Variants in VAV3 observed in about 807,000 individuals in gnomAD.
VAV3 encodes guanine nucleotide exchange factor VAV3.
A neutral mutation model predicts 131.2 loss-of-function variants in VAV3; 94 were observed. The ratio of observed to expected loss-of-function variants is 0.72; its 90% CI spans 0.61 to 0.85. VAV3 has a LOEUF of 0.85. Ranked by LOEUF, VAV3 falls within the 40% of genes least tolerant of loss-of-function variation. VAV3 has a pLI of 0.00. For missense variants in VAV3, 939 were observed against 1,002.7 expected (o/e 0.94, Z 0.86); for synonymous variants, 349 against 342.0 (o/e 1.02, Z -0.22).
At chr1:107,660,775 T>C (rs1656953231) in intron 19 of VAV3, among the ~76,000 whole-genome samples, 1 of 152,172 alleles carries the variant, frequency 6.6e-6, no homozygotes, top group African/African-American at 2.4e-5. Flanking sequence ...GTTTTTCCCT[T>C]ATCCTCAAAA....
At chr1:107,913,820 G>T (rs1326031675) in intron 1 of VAV3, among the ~76,000 whole-genome samples, 1 of 151,988 alleles carries the variant, frequency 6.6e-6, no homozygotes, top group African/African-American at 2.4e-5. Flanking sequence ...TTTTGAGGTG[G>T]AGTCTCACTC....
chr1:107,773,160 C>A lies in VAV3; in HGVS notation c.447-317G>T, dbSNP rs145065132. ...GATCAGGTGTGCATTATTATTTAAT[C>A]CATTAAAGAGATGAGGAAGTTGAAA... On this transcript the variant is annotated intron_variant, in intron 4 of 26. Coordinates refer to ENST00000370056, the MANE Select transcript of VAV3 (RefSeq NM_006113.5). 3.9e-5 allele frequency among the ~76,000 whole-genome samples: 6 copies of A among 152,224 alleles called. No homozygotes were observed. The East Asian group carries it at 1.2e-3, about 29-fold the overall frequency.
At chr1:107,845,115 C>T (rs1282114961) in intron 2 of VAV3, among the ~76,000 whole-genome samples, 5 of 152,216 alleles carry the variant, frequency 3.3e-5, no homozygotes, top group Non-Finnish European at 4.4e-5. Flanking sequence ...AAGGAACAGG[C>T]AGCAATCTTT....
intron 2 of VAV3, among the ~76,000 whole-genome samples, chr1:107,859,351 C>A (rs567581284): frequency 6.6e-6 from 1 of 152,068 alleles, no homozygotes; most frequent in African/African-American, 2.4e-5. Flanking sequence ...AGATTATAGA[C>A]GTTGAGCCAG....
At chr1:107,859,969 A>T (rs1029042053) in intron 2 of VAV3, among the ~76,000 whole-genome samples, 3 of 152,222 alleles carry the variant, frequency 2.0e-5, no homozygotes, top group Admixed American at 6.5e-5. Flanking sequence ...ATGGTTATAT[A>T]GAAAAATATC....
chr1:107,602,518 T>C (rs370224254), intron 23 of VAV3, 34 bp from the exon 24 acceptor site: 78 of 1,500,998 alleles, frequency 5.2e-5, no homozygotes, highest in Non-Finnish European at 6.5e-5. Flanking sequence ...AATATAAATG[T>C]GTTTTTAATC....
chr1:107,665,248 G>A (rs1219838329), intron 19 of VAV3, among the ~76,000 whole-genome samples: 4 of 152,160 alleles, frequency 2.6e-5, no homozygotes, highest in Non-Finnish European at 5.9e-5. Flanking sequence ...GGGTTAGATT[G>A]TGGGAAAATA....
chr1:107,853,230 C>A (rs966699118), intron 2 of VAV3, among the ~76,000 whole-genome samples: 1 of 152,132 alleles, frequency 6.6e-6, no homozygotes, highest in African/African-American at 2.4e-5. Flanking sequence ...CCCTTCTCTA[C>A]CACTTATTAG....
chr1:107,603,184 G>T (rs746376809), intron 22 of VAV3, 21 bp from the exon 23 acceptor site: 11 of 1,586,408 alleles, frequency 6.9e-6, no homozygotes, highest in Non-Finnish European at 9.5e-6. Flanking sequence ...CAATGACACA[G>T]AAAATTTGGA....
chr1:107,709,709 T>C (rs897920870), intron 15 of VAV3, among the ~76,000 whole-genome samples: 1 of 152,180 alleles, frequency 6.6e-6, no homozygotes, highest in South Asian at 2.1e-4. Flanking sequence ...TTATTTCTCA[T>C]GGGATCTGAT....
chr1:107,612,010 T>C (rs1240734713), intron 21 of VAV3, among the ~76,000 whole-genome samples: 1 of 152,138 alleles, frequency 6.6e-6, no homozygotes, highest in Non-Finnish European at 1.5e-5. Flanking sequence ...ATATGGTTAC[T>C]ATTTTTCTCT....
At chr1:107,800,591 T>C (rs1279034883) in intron 2 of VAV3, among the ~76,000 whole-genome samples, 4 of 152,204 alleles carry the variant, frequency 2.6e-5, no homozygotes, top group Non-Finnish European at 5.9e-5. Flanking sequence ...CATGGGAATA[T>C]TGCATGATGC....
chr1:107,923,632 G>A (rs1481673706), intron 1 of VAV3, among the ~76,000 whole-genome samples: 1 of 152,060 alleles, frequency 6.6e-6, no homozygotes, highest in Non-Finnish European at 1.5e-5. Flanking sequence ...TTTACATGGT[G>A]TCAGGAAAAA....
At chr1:107,918,700 T>G (rs1557923310) in intron 1 of VAV3, among the ~76,000 whole-genome samples, 1 of 75,900 alleles carries the variant, frequency 1.3e-5, no homozygotes, top group East Asian at 4.7e-4. Context: ...TATATATATA[T>G]ATATATTTTT....
intron 20 of VAV3, among the ~76,000 whole-genome samples, chr1:107,626,868 G>A (rs1216228892): frequency 6.6e-6 from 1 of 152,198 alleles, no homozygotes; most frequent in African/African-American, 2.4e-5. Context: ...TTACATTTCT[G>A]TAATGTTCTT....
intron 25 of VAV3, among the ~76,000 whole-genome samples, chr1:107,577,241 G>T (rs936538088): frequency 1.3e-5 from 2 of 152,148 alleles, no homozygotes; most frequent in African/African-American, 4.8e-5. Context: ...TTACATATGA[G>T]AAAAATCTGG....
intron 1 of VAV3, among the ~76,000 whole-genome samples, chr1:107,951,941 A>G (rs12565007): frequency 0.11 from 16,329 of 152,144 alleles, 1,600 homozygotes; most frequent in African/African-American, 0.26. Context: ...AGACAGAAAT[A>G]CCATTTGACC....
At chr1:107,642,475 G>A in intron 20 of VAV3, 144 bp downstream of exon 20, 5 of 920,144 alleles carry the variant, frequency 5.4e-6, no homozygotes, top group Non-Finnish European at 8.0e-6. Flanking sequence ...TGTCTATGGA[G>A]TAGCCATTCT....
At chr1:107,649,658 G>A (rs1191541686) in intron 19 of VAV3, among the ~76,000 whole-genome samples, 1 of 151,954 alleles carries the variant, frequency 6.6e-6, no homozygotes, top group Non-Finnish European at 1.5e-5. Context: ...ACCATTATCA[G>A]TCCACTCATA....
Sources: gnomAD v4.1 joint callset for allele counts (sites outside exome capture counted in the v4.1 genomes callset) on GRCh38, gnomAD v4.1.1 for gene constraint, MANE v1.5 for transcripts, NCBI Gene and HGNC (gene_info 2026-07-23, HGNC 2026-07-21) for gene names.